Variants in SVOPL observed in about 807,000 individuals in gnomAD.
The protein encoded by SVOPL is SVOP like.
Under a neutral mutation model 61.0 loss-of-function variants are expected in SVOPL, and 60 were observed. The ratio of observed to expected loss-of-function variants is 0.98; its 90% CI spans 0.80 to 1.22. The LOEUF is 1.22. SVOPL is among the 50% of genes most tolerant of loss of function. SVOPL has a pLI of 0.00. For synonymous variants in SVOPL, 279 were observed against 250.0 expected, an observed-to-expected ratio of 1.12 and a Z score of -1.09; for missense variants, 662 against 643.9, an observed-to-expected ratio of 1.03 and a Z score of -0.30.
At chr7:138,654,130 C>CAAAAAAAAAAA (rs34730936) in intron 7 of SVOPL, among the ~76,000 whole-genome samples, 2 of 99,196 alleles carry the variant, frequency 2.0e-5, no homozygotes, top group Admixed American at 1.1e-4. Context: ...AAGACTCCCT[C>CAAAAAAAAAAA]AAAAAAAAAA....
In SVOPL at chr7:138,648,994, C is replaced by T. The variant is rs1801281842; in HGVS notation, c.660+18G>A. 6.2e-7 allele frequency: 1 copy of T among 1,613,314 alleles called. No individual in the cohort carries two copies. Among genetic ancestry groups the T allele is most frequent in the Non-Finnish European group, 8.5e-7 (1 of 1,179,726 alleles). Reference sequence around the variant, plus strand: ...AGCAGGAGGAGGGGACAGGAAGGAGCCACAAGTGCTTCCCCACCTTGAAGG... The same window carrying T: ...AGCAGGAGGAGGGGACAGGAAGGAGTCACAAGTGCTTCCCCACCTTGAAGG... On this transcript the variant is annotated intron_variant, in intron 8 of 15. Transcript: ENST00000674285.
chr7:138,620,047 C>T (rs1274694077), intron 14 of SVOPL, among the ~76,000 whole-genome samples: 3 of 151,114 alleles, frequency 2.0e-5, no homozygotes, highest in East Asian at 3.9e-4. Context: ...GGCTCGGCCT[C>T]ATTCCTGCCT....
chr7:138,672,242 A>G (rs1257322315), intron 3 of SVOPL, 125 bp from the exon 4 acceptor site: 8 of 797,340 alleles, frequency 1.0e-5, no homozygotes, highest in Admixed American at 8.7e-5. Flanking sequence ...GGGAGGATCT[A>G]TTGTATACCC....
intron 1 of SVOPL, among the ~76,000 whole-genome samples, chr7:138,696,028 C>A (rs994305466): frequency 6.6e-6 from 1 of 152,094 alleles, no homozygotes; most frequent in Non-Finnish European, 1.5e-5. Flanking sequence ...GTGATCTGCC[C>A]ACCTTGGCCT....
chr7:138,612,436 T>TAAAAAAA (rs60800575), intron 14 of SVOPL, among the ~76,000 whole-genome samples: 1 of 17,846 alleles, frequency 5.6e-5, no homozygotes, highest in Non-Finnish European at 1.1e-4. Flanking sequence ...AAATAAAAAA[T>TAAAAAAA]AAAAAAAAAA....
intron 10 of SVOPL, among the ~76,000 whole-genome samples, chr7:138,629,453 G>A (rs923021620): frequency 2.0e-5 from 3 of 151,858 alleles, no homozygotes; most frequent in Admixed American, 1.3e-4. Flanking sequence ...GGCTGGTCTC[G>A]AACTCCTGAC....
intron 9 of SVOPL, among the ~76,000 whole-genome samples, chr7:138,641,992 C>T (rs1800827596): frequency 6.6e-6 from 1 of 150,800 alleles, no homozygotes; most frequent in Non-Finnish European, 1.5e-5. Flanking sequence ...TTTTTAAACA[C>T]TCTTGTGACA....
At chr7:138,640,228 TTTTA>T (rs775227966) in intron 9 of SVOPL, among the ~76,000 whole-genome samples, 2 of 151,356 alleles carry the variant, frequency 1.3e-5, no homozygotes, top group Non-Finnish European at 2.9e-5. Context: ...TAACTTTTTT[TTTTA>T]TATTTATTTA....
At chr7:138,692,351 CAG>C (rs1258025581) in intron 1 of SVOPL, among the ~76,000 whole-genome samples, 1 of 152,124 alleles carries the variant, frequency 6.6e-6, no homozygotes, top group African/African-American at 2.4e-5. Flanking sequence ...GGTGAAGCTG[CAG>C]AGGTGGGCAA....
intron 1 of SVOPL, among the ~76,000 whole-genome samples, chr7:138,691,636 G>T (rs932124471): frequency 2.0e-5 from 3 of 152,114 alleles, no homozygotes; most frequent in African/African-American, 7.2e-5. Context: ...TGCCTCCCAG[G>T]TTCAAGCGAT....
At chr7:138,623,845 C>T (rs988281922) in intron 13 of SVOPL, among the ~76,000 whole-genome samples, 16 of 151,832 alleles carry the variant, frequency 1.1e-4, no homozygotes, top group Non-Finnish European at 2.1e-4. Flanking sequence ...CTTTTTGAGA[C>T]GGAGTCTCTC....
chr7:138,684,026 C>T (rs1314476734), intron 1 of SVOPL, among the ~76,000 whole-genome samples: 1 of 151,372 alleles, frequency 6.6e-6, no homozygotes, highest in Non-Finnish European at 1.5e-5. Context: ...GTACTCCAGC[C>T]TGGGTGACAG....
chr7:138,622,573 T>C (rs1290383959), intron 13 of SVOPL, among the ~76,000 whole-genome samples: 1 of 151,574 alleles, frequency 6.6e-6, no homozygotes, highest in African/African-American at 2.4e-5. Flanking sequence ...TCCCAAAGTG[T>C]GGGGATTACA....
At chr7:138,660,846 A>G (rs1390939865) in intron 5 of SVOPL, 1 of 983,980 alleles carries the variant, frequency 1.0e-6, no homozygotes, top group Non-Finnish European at 1.2e-6. Context: ...TATATATAGT[A>G]AGGGTGTCTA....
intron 5 of SVOPL, chr7:138,662,231 AT>A: frequency 1.0e-6 from 1 of 985,468 alleles, no homozygotes; most frequent in Non-Finnish European, 1.2e-6. Context: ...GGTCTTGGCC[AT>A]CCAGCACTAG....
At chr7:138,670,818 T>TA (rs1419913946) in intron 4 of SVOPL, among the ~76,000 whole-genome samples, 1 of 152,100 alleles carries the variant, frequency 6.6e-6, no homozygotes, top group Non-Finnish European at 1.5e-5. Flanking sequence ...CCCTGCAGCC[T>TA]TATCTCCTTG....
chr7:138,683,399 G>A (rs1047555306), intron 1 of SVOPL, among the ~76,000 whole-genome samples: 3 of 151,964 alleles, frequency 2.0e-5, no homozygotes, highest in African/African-American at 7.2e-5. Context: ...ATGGAGTTTT[G>A]CTCTTTTGCC....
chr7:138,700,316 G>C (rs992712533), intron 1 of SVOPL, among the ~76,000 whole-genome samples: 1 of 139,178 alleles, frequency 7.2e-6, no homozygotes, highest in East Asian at 2.3e-4. Flanking sequence ...GACATACTCT[G>C]TTCTTTGGTT....
At chr7:138,668,443 C>A (rs1319526480) in intron 4 of SVOPL, among the ~76,000 whole-genome samples, 1 of 152,152 alleles carries the variant, frequency 6.6e-6, no homozygotes, top group Non-Finnish European at 1.5e-5. Flanking sequence ...CCCAGTCACA[C>A]CCTCAAGCTC....
Sources: allele counts gnomAD v4.1 joint callset (sites outside exome capture counted in the v4.1 genomes callset), GRCh38; gene constraint gnomAD v4.1.1; transcripts MANE v1.5; gene names NCBI Gene and HGNC (gene_info 2026-07-23, HGNC 2026-07-21).